Variants in LARP1B observed in about 807,000 individuals in gnomAD.
LARP1B encodes la-related protein 1B.
LARP1B carries 76 observed loss-of-function variants against 114.2 expected under a neutral mutation model. The observed-to-expected ratio is 0.67, with a 90% CI of 0.55 to 0.81. LARP1B has a LOEUF of 0.81. LARP1B is among the 30% of genes least tolerant of loss of function. The pLI is 0.00. For synonymous variants in LARP1B, 345 were observed against 348.0 expected (o/e 0.99, Z 0.10); for missense variants, 1,014 against 1,075.8 (o/e 0.94, Z 0.80).
intron 11 of LARP1B, 179 bp downstream of exon 11, chr4:128,122,367 T>C: frequency 6.8e-7 from 1 of 1,461,110 alleles, no homozygotes; most frequent in Non-Finnish European, 9.0e-7. Context: ...ATCGTTTTAT[T>C]TTATGAAAGT....
chr4:128,097,774 G>A (rs957799529), intron 7 of LARP1B, among the ~76,000 whole-genome samples: 1 of 152,114 alleles, frequency 6.6e-6, no homozygotes, highest in Non-Finnish European at 1.5e-5. Flanking sequence ...TGGGAAAAAG[G>A]TGGAAGGCAT....
rs1259452559 is a variant in LARP1B at position 128,192,832 on chromosome 4, G to GT, written c.2004-6595dup. Among the ~76,000 whole-genome samples the GT allele has an allele frequency of 6.2e-3, 885 of 143,828 alleles. 13 individuals carry two copies. The highest frequency in any genetic ancestry group is 0.019 in the African/African-American group (746 of 39,360). The allele number at this position is 143,828 out of a possible 152,430, so 94.4% of individuals were successfully genotyped here. On this transcript the variant is annotated intron_variant, in intron 15 of 19. Transcript: ENST00000326639. ...TCCCCATTTCTCTGTTTGTTTCTTT[G>GT]TTTTTTTTTTTTAAATTAGAGACAG...
At chr4:128,123,913 C>G (rs911161094) in intron 11 of LARP1B, 2 of 155,442 alleles carry the variant, frequency 1.3e-5, no homozygotes, top group African/African-American at 4.8e-5. Flanking sequence ...GGAAAGTAAT[C>G]TTGGCTTATA....
In LARP1B at chr4:128,139,898, G is replaced by GGAACCATTTGC. The variant is rs1407292018; in HGVS notation, c.1524+17710_1524+17711insGAACCATTTGC. Among the ~76,000 whole-genome samples, 762 of 152,170 alleles carry GGAACCATTTGC rather than the reference G, an allele frequency of 5.0e-3. 13 individuals carry two copies. Among genetic ancestry groups the GGAACCATTTGC allele is most frequent in the South Asian group, 3.5e-3 (17 of 4,826 alleles). ...CCTCAATCTGTGGGAATAAAAAATG[G>GGAACCATTTGC]TAAACCATATGCTATGATCCACCAT... On this transcript the variant is annotated intron_variant, in intron 11 of 19. Coordinates refer to ENST00000326639, the MANE Select transcript of LARP1B (RefSeq NM_018078.4).
chr4:128,076,553 A>G (rs538696768), intron 3 of LARP1B, among the ~76,000 whole-genome samples: 10 of 152,336 alleles, frequency 6.6e-5, no homozygotes, highest in South Asian at 6.2e-4. Flanking sequence ...GTTGATACAA[A>G]TAAAACTGCT....
intron 7 of LARP1B, among the ~76,000 whole-genome samples, chr4:128,097,198 A>G (rs2149665734): frequency 6.6e-6 from 1 of 152,274 alleles, no homozygotes; most frequent in South Asian, 2.1e-4. Flanking sequence ...TCACCGGGCC[A>G]CCCTTAATGT....
At chr4:128,126,113 C>CT (rs76050129) in intron 11 of LARP1B, among the ~76,000 whole-genome samples, 2,026 of 135,798 alleles carry the variant, frequency 0.015, 154 homozygotes, top group African/African-American at 0.048. Context: ...TTAAAATAAT[C>CT]TTTTTTTTTT....
chr4:128,121,816 C>G lies in LARP1B; in HGVS notation c.1162-10C>G. On this transcript the variant is annotated splice_polypyrimidine_tract_variant and intron_variant, in intron 10 of 19. Coordinates refer to ENST00000326639, the MANE Select transcript of LARP1B (RefSeq NM_018078.4). Reference sequence around the variant, plus strand: ...AGTTTTTTATATAAATTACCAATTTCTTCCTTCAGGAATCAGTGTCTGTCC... The same window carrying G: ...AGTTTTTTATATAAATTACCAATTTGTTCCTTCAGGAATCAGTGTCTGTCC... 6.7e-7 allele frequency: 1 copy of G among 1,496,460 alleles called. No individual in the cohort carries two copies. The highest frequency in any genetic ancestry group is 8.9e-7 in the Non-Finnish European group (1 of 1,122,560). 92.7% of individuals were successfully genotyped at this position (1,496,460 alleles called of 1,614,324 possible).
chr4:128,095,795 TGTTTTC>T (rs1179996385), intron 7 of LARP1B, among the ~76,000 whole-genome samples: 2 of 152,178 alleles, frequency 1.3e-5, no homozygotes, highest in African/African-American at 4.8e-5. Flanking sequence ...TGAGCTGGTT[TGTTTTC>T]TCATAACTTG....
At chr4:128,072,939 T>A (rs938115892) in intron 1 of LARP1B, among the ~76,000 whole-genome samples, 1 of 152,162 alleles carries the variant, frequency 6.6e-6, no homozygotes, top group Non-Finnish European at 1.5e-5. Flanking sequence ...TTTCTAAAAG[T>A]TATATAGTAT....
chr4:128,098,328 G>C lies in LARP1B; in HGVS notation c.811G>C (p.Glu271Gln). 1.2e-6 allele frequency: 2 copies of C among 1,605,604 alleles called. No individual in the cohort carries two copies. Among genetic ancestry groups the C allele is most frequent in the South Asian group, 2.2e-5 (2 of 89,118 alleles). The change falls in exon 8 of 20, where the codon GAG becomes CAG. Residue 271 changes from glutamate (E) to glutamine (Q), a missense_variant and splice_region_variant. Glu to Gln is a conservative substitution (Grantham distance 29). Transcript: ENST00000326639. ...ALTTNLNLIL[E>Q]ALKDSTEVEI... ...CACTACAAACCTTAATCTCATCTTA[G>C]AGGTAATTGCTCATTTGATGAACAA...
chr4:128,132,106 T>G (rs1320136543), intron 11 of LARP1B, among the ~76,000 whole-genome samples: 1 of 152,218 alleles, frequency 6.6e-6, no homozygotes, highest in Non-Finnish European at 1.5e-5. Context: ...GTCATGTTCT[T>G]GTACATGAAT....
intron 7 of LARP1B, among the ~76,000 whole-genome samples, chr4:128,095,845 GAAATAGTGT>G: frequency 1.3e-5 from 2 of 152,034 alleles, no homozygotes; most frequent in African/African-American, 4.8e-5. Flanking sequence ...CTGTGATTTG[GAAATAGTGT>G]GGGATTATTA....
At chr4:128,093,262 CTGAT>C (rs779070868) in intron 7 of LARP1B, among the ~76,000 whole-genome samples, 4 of 152,082 alleles carry the variant, frequency 2.6e-5, no homozygotes, top group Non-Finnish European at 4.4e-5. Context: ...TATAGATAGG[CTGAT>C]TGATTGAGGT....
At chr4:128,143,211 G>C (rs1728804310) in intron 11 of LARP1B, among the ~76,000 whole-genome samples, 1 of 152,098 alleles carries the variant, frequency 6.6e-6, no homozygotes, top group Non-Finnish European at 1.5e-5. Flanking sequence ...CTTGAACCCG[G>C]GAGGTGGAGG....
At chr4:128,069,379 G>T in intron 1 of LARP1B, 1 of 766,880 alleles carries the variant, frequency 1.3e-6, no homozygotes, top group Non-Finnish European at 2.4e-6. Flanking sequence ...TGATGGACAG[G>T]CTTGCCATAA....
intron 15 of LARP1B, among the ~76,000 whole-genome samples, chr4:128,187,905 G>A (rs1475230241): frequency 6.6e-6 from 1 of 152,088 alleles, no homozygotes; most frequent in African/African-American, 2.4e-5. Flanking sequence ...CACCTCCACT[G>A]TCTCTCTTCC....
At chr4:128,108,602 A>C (rs78937673) in intron 9 of LARP1B, 7 of 985,424 alleles carry the variant, frequency 7.1e-6, no homozygotes, top group Non-Finnish European at 7.2e-6. Context: ...CCAGTAAGCA[A>C]CTTGGACAGG....
chr4:128,111,487 C>T (rs1784104857), intron 9 of LARP1B, among the ~76,000 whole-genome samples: 1 of 151,986 alleles, frequency 6.6e-6, no homozygotes, highest in Non-Finnish European at 1.5e-5. Context: ...TTGCTTGAGG[C>T]CAGGAGTTCA....
Sources: allele counts gnomAD v4.1 joint callset (sites outside exome capture counted in the v4.1 genomes callset), GRCh38; gene constraint gnomAD v4.1.1; transcripts MANE v1.5; gene names NCBI Gene and HGNC (gene_info 2026-07-23, HGNC 2026-07-21).